Variants in SLC25A26 observed in about 807,000 individuals in gnomAD.
The protein encoded by SLC25A26 is solute carrier family 25 member 26.
SLC25A26 carries 36 observed loss-of-function variants against 37.8 expected under a neutral mutation model. The observed-to-expected ratio is 0.95, with a 90% CI of 0.73 to 1.26. The LOEUF (loss-of-function observed/expected upper bound fraction) is 1.26. Ranked by LOEUF, SLC25A26 falls within the 50% of genes most tolerant of loss-of-function variation. SLC25A26 has a pLI of 0.00. For missense variants in SLC25A26, 390 were observed against 331.1 expected (o/e 1.18, Z -1.38); for synonymous variants, 129 against 122.5 (o/e 1.05, Z -0.35).
intron 5 of SLC25A26, chr3:66,293,072 T>A (rs1366639893): frequency 6.6e-6 from 1 of 152,004 alleles, no homozygotes; most frequent in African/African-American, 2.4e-5. Context: ...TTCTGCTTGA[T>A]CTATTTGGCT....
intron 2 of SLC25A26, 70 bp downstream of exon 2, chr3:66,236,770 A>AC: frequency 8.4e-7 from 1 of 1,188,002 alleles, no homozygotes; most frequent in Non-Finnish European, 1.1e-6. Context: ...GTGTGGTCTT[A>AC]CCCCCATAGA....
intron 2 of SLC25A26, among the ~76,000 whole-genome samples, chr3:66,239,990 C>G (rs2107074980): frequency 6.6e-6 from 1 of 152,192 alleles, no homozygotes; most frequent in South Asian, 2.1e-4. Context: ...GAAATGTCAT[C>G]ACTTCCAGCA....
chr3:66,371,471 T>A, intron 9 of SLC25A26: 2 of 1,347,834 alleles, frequency 1.5e-6, no homozygotes, highest in Non-Finnish European at 1.9e-6. Context: ...AGATTGAAAT[T>A]TTCCAGTTGG....
intron 5 of SLC25A26, among the ~76,000 whole-genome samples, chr3:66,281,605 CCAGA>C (rs778097964): frequency 1.3e-4 from 20 of 152,074 alleles, no homozygotes; most frequent in Admixed American, 2.6e-4. Flanking sequence ...AATTCATGTA[CCAGA>C]CAGTTTACTC....
chr3:66,310,244 C>T (rs1030149412), intron 5 of SLC25A26, among the ~76,000 whole-genome samples: 18 of 152,100 alleles, frequency 1.2e-4, no homozygotes, highest in African/African-American at 3.4e-4. Flanking sequence ...ACCCCTTTGC[C>T]GTTATGTAAT....
chr3:66,276,277 G>T (rs535393876), intron 5 of SLC25A26, among the ~76,000 whole-genome samples: 21 of 152,182 alleles, frequency 1.4e-4, no homozygotes, highest in Non-Finnish European at 2.6e-4. Context: ...CAACTAGGAG[G>T]TGGCAGGACT....
chr3:66,374,155 C>T (rs2107863682), intron 9 of SLC25A26, among the ~76,000 whole-genome samples: 1 of 152,344 alleles, frequency 6.6e-6, no homozygotes, highest in Non-Finnish European at 1.5e-5. Context: ...AGAAGTAATA[C>T]AGGCATATTT....
intron 1 of SLC25A26, among the ~76,000 whole-genome samples, chr3:66,212,036 G>C (rs1191197720): frequency 1.3e-5 from 2 of 152,112 alleles, no homozygotes; most frequent in Admixed American, 1.3e-4. Context: ...AAAATGTTAG[G>C]GTATTTTTAG....
At chr3:66,335,006 A>G (rs1393497872) in intron 5 of SLC25A26, among the ~76,000 whole-genome samples, 1 of 152,256 alleles carries the variant, frequency 6.6e-6, no homozygotes, top group Non-Finnish European at 1.5e-5. Flanking sequence ...TAATTGGCTG[A>G]TATAAATGAA....
intron 5 of SLC25A26, among the ~76,000 whole-genome samples, chr3:66,268,914 A>G (rs1041443205): frequency 2.0e-5 from 3 of 152,142 alleles, no homozygotes; most frequent in Non-Finnish European, 4.4e-5. Context: ...GCCTTCTGCC[A>G]TGATTGTAAG....
intron 5 of SLC25A26, among the ~76,000 whole-genome samples, chr3:66,275,694 C>G (rs983873130): frequency 2.0e-5 from 3 of 152,080 alleles, no homozygotes; most frequent in African/African-American, 4.8e-5. Context: ...GATAAACTGT[C>G]TGTACTTCCA....
At chr3:66,136,993 A>G (rs935790599) in intron 1 of SLC25A26, among the ~76,000 whole-genome samples, 1 of 152,090 alleles carries the variant, frequency 6.6e-6, no homozygotes, top group Non-Finnish European at 1.5e-5. Flanking sequence ...TTTATTGAAA[A>G]TAATTCTGAT....
intron 1 of SLC25A26, among the ~76,000 whole-genome samples, chr3:66,196,450 G>A (rs1055171512): frequency 2.0e-5 from 3 of 152,142 alleles, no homozygotes; most frequent in Non-Finnish European, 2.9e-5. Flanking sequence ...GTAAAAAGGC[G>A]TCAGAAAGTA....
At position 66,141,795 on chromosome 3, in the gene SLC25A26, T is replaced by C. The variant is rs142202702; in HGVS notation, c.-354+7811T>C. On this transcript the variant is annotated intron_variant, in intron 1 of 10. Coordinates refer to the SLC25A26 transcript ENST00000676754. ...CTCCCAAAGTACTGGATTACAGGCG[T>C]GGGCCACTGCGCCGGTCTTGAATGT... Among the ~76,000 whole-genome samples, 5 of 152,350 alleles carry C rather than the reference T, an allele frequency of 3.3e-5. No homozygotes were observed. In the East Asian group the frequency reaches 9.6e-4, roughly 29 times the overall value.
chr3:66,316,949 C>T (rs554007333), intron 5 of SLC25A26, among the ~76,000 whole-genome samples: 2 of 152,232 alleles, frequency 1.3e-5, no homozygotes, highest in African/African-American at 2.4e-5. Context: ...TTTTCAACTC[C>T]ATCAGGTCAT....
At chr3:66,287,242 G>A (rs1297430816) in intron 5 of SLC25A26, among the ~76,000 whole-genome samples, 4 of 150,430 alleles carry the variant, frequency 2.7e-5, no homozygotes, top group African/African-American at 4.9e-5. Context: ...CTTGCAGTTA[G>A]CCCAGATCAC....
chr3:66,225,193 A>C (rs1553660005), intron 1 of SLC25A26, among the ~76,000 whole-genome samples: 1 of 152,152 alleles, frequency 6.6e-6, no homozygotes, highest in African/African-American at 2.4e-5. Flanking sequence ...ACACTGCCCC[A>C]GTAGAGGTTC....
Position 66,251,326 on chromosome 3 carries a change from A to C in SLC25A26, c.300+8014A>C, listed in dbSNP as rs190038089. Among the ~76,000 whole-genome samples, 191 of 152,232 alleles carry C rather than the reference A, an allele frequency of 1.3e-3. 1 individual carries two copies. The highest frequency in any genetic ancestry group is 2.0e-3 in the Non-Finnish European group (138 of 68,026). On this transcript the variant is annotated intron_variant, in intron 3 of 9. Coordinates refer to ENST00000354883, the MANE Select transcript of SLC25A26 (RefSeq NM_001379210.1). Reference sequence around the variant, plus strand: ...CTGGGGCAGAGGGATGCAGAGGGAGAGAGTGAGTTCAAGAGATGTTAAAGA... The same window carrying C: ...CTGGGGCAGAGGGATGCAGAGGGAGCGAGTGAGTTCAAGAGATGTTAAAGA...
intron 1 of SLC25A26, among the ~76,000 whole-genome samples, chr3:66,139,481 T>C (rs1247758355): frequency 1.3e-5 from 2 of 152,230 alleles, no homozygotes; most frequent in Non-Finnish European, 2.9e-5. Context: ...AAAAATTTCT[T>C]TGGGAACAAG....
Sources: gnomAD v4.1 joint callset for allele counts (sites outside exome capture counted in the v4.1 genomes callset) on GRCh38, gnomAD v4.1.1 for gene constraint, MANE v1.5 for transcripts, NCBI Gene and HGNC (gene_info 2026-07-23, HGNC 2026-07-21) for gene names.